The following KCNN3 variants were observed in gnomAD, a reference collection of about 807,000 sequenced individuals.
KCNN3 encodes the protein small conductance calcium-activated potassium channel protein 3.
KCNN3 carries 16 observed loss-of-function variants against 62.9 expected under a neutral mutation model. The observed-to-expected ratio is 0.25, with a 90% CI of 0.17 to 0.39. KCNN3 has a LOEUF of 0.39. Ranked by LOEUF, KCNN3 falls within the 10% of genes least tolerant of loss-of-function variation. The pLI, the probability that KCNN3 is intolerant of heterozygous loss-of-function variation, is 1.00. For missense variants in KCNN3, 599 were observed against 949.4 expected (o/e 0.63, Z 4.85); for synonymous variants, 370 against 389.2 (o/e 0.95, Z 0.58).
intron 2 of KCNN3, among the ~76,000 whole-genome samples, chr1:154,797,328 T>C (rs1649774684): frequency 6.6e-6 from 1 of 152,214 alleles, no homozygotes; most frequent in East Asian, 1.9e-4. Flanking sequence ...GAATTCTGAC[T>C]CCTCCACTGA....
chr1:154,814,529 G>A (rs1650577424), intron 2 of KCNN3, among the ~76,000 whole-genome samples: 1 of 152,218 alleles, frequency 6.6e-6, no homozygotes, highest in African/African-American at 2.4e-5. Context: ...GAAGGGGGAC[G>A]ATGGCCAGAG....
chr1:154,859,509 A>T (rs1558010863), intron 1 of KCNN3, among the ~76,000 whole-genome samples: 1 of 152,194 alleles, frequency 6.6e-6, no homozygotes, highest in East Asian at 1.9e-4. Context: ...TGAGGCACAG[A>T]GCTTAAGGAA....
intron 6 of KCNN3, 56 bp from the exon 7 acceptor site, chr1:154,713,589 C>T: frequency 1.4e-6 from 2 of 1,426,674 alleles, no homozygotes; most frequent in Non-Finnish European, 9.9e-7. Flanking sequence ...AGGTTTAGCC[C>T]CACCAGCAGA....
chr1:154,720,336 G>A (rs191895030), intron 5 of KCNN3, among the ~76,000 whole-genome samples: 4 of 152,318 alleles, frequency 2.6e-5, no homozygotes, highest in Admixed American at 2.6e-4. Context: ...AACCTTGTGC[G>A]TGATGTAATT....
At chr1:154,734,916 G>A (rs1053325295) in intron 3 of KCNN3, among the ~76,000 whole-genome samples, 2 of 152,330 alleles carry the variant, frequency 1.3e-5, no homozygotes, top group African/African-American at 2.4e-5. Flanking sequence ...AGGCAAAAGC[G>A]ACTGGCGTGT....
chr1:154,772,101 T>A lies in KCNN3; in HGVS notation c.1322A>T (p.Asn441Ile). The change falls in exon 3 of 8, where the codon AAC (asparagine) becomes ATC (isoleucine). Residue 441 changes from asparagine to isoleucine, a missense_variant. By Grantham distance (149) the Asn-to-Ile change is moderately radical. Coordinates refer to ENST00000271915, the MANE Select transcript of KCNN3 (RefSeq NM_002249.6). The surrounding 1 kb of genome is among the most constrained non-coding windows in gnomAD (Gnocchi z 5.6). Reference protein sequence around the residue: ...DASSRSIGALNKINFNTRFVM... With the variant: ...DASSRSIGALIKINFNTRFVM... ...AAAGCGGGTGTTGAAGTTGATCTTG[T>A]TGAGGGCCCCGATGCTGCGGGACGA... is the stretch of plus-strand genomic sequence containing the variant. 1 of 1,614,124 alleles carries A rather than the reference T, an allele frequency of 6.2e-7. No homozygotes were observed. The highest frequency in any genetic ancestry group is 8.5e-7 in the Non-Finnish European group (1 of 1,180,020).
In KCNN3 at chr1:154,706,061, T is replaced by C. The variant is rs61811430; in HGVS notation, c.*1915A>G. 0.18 allele frequency: 27,040 copies of C among 152,144 alleles called. 2,809 individuals carry two copies. The highest frequency in any genetic ancestry group is 0.28 in the Middle Eastern group (83 of 294). 9.4% of individuals were successfully genotyped at this position (152,144 alleles called of 1,614,324 possible). On this transcript the variant is annotated 3_prime_UTR_variant, in exon 8 of 8. Coordinates refer to ENST00000271915, the MANE Select transcript of KCNN3 (RefSeq NM_002249.6). ...AACAGCAGGTGCGGCATCTCTGGTA[T>C]GCAAAACAACTAATGAAAGTGTTCA...
intron 1 of KCNN3, among the ~76,000 whole-genome samples, chr1:154,832,491 C>G (rs1651413930): frequency 6.6e-6 from 1 of 152,014 alleles, no homozygotes; most frequent in Non-Finnish European, 1.5e-5. Flanking sequence ...TAGCGCCTCC[C>G]AGAACGCTGG....
At chr1:154,778,050 C>T (rs1648864609) in intron 2 of KCNN3, among the ~76,000 whole-genome samples, 1 of 152,208 alleles carries the variant, frequency 6.6e-6, no homozygotes, top group African/African-American at 2.4e-5. Flanking sequence ...GTGTCAGTAC[C>T]ACAGTCTCTG....
At chr1:154,769,955 G>C (rs557211710) in intron 3 of KCNN3, among the ~76,000 whole-genome samples, 11 of 152,314 alleles carry the variant, frequency 7.2e-5, no homozygotes, top group African/African-American at 2.2e-4. Context: ...AATAAATCCT[G>C]TGTCCAGCTT....
chr1:154,747,551 C>T (rs1170575833), intron 3 of KCNN3, among the ~76,000 whole-genome samples: 2 of 152,092 alleles, frequency 1.3e-5, no homozygotes, highest in Non-Finnish European at 2.9e-5. Context: ...ATATCACTCT[C>T]GCTATCTGGT....
At chr1:154,847,777 A>G (rs1652137692) in intron 1 of KCNN3, among the ~76,000 whole-genome samples, 1 of 152,124 alleles carries the variant, frequency 6.6e-6, no homozygotes, top group African/African-American at 2.4e-5. Flanking sequence ...AACAGAGGCC[A>G]TTTATTGAGC....
At chr1:154,838,779 T>A (rs759551010) in intron 1 of KCNN3, among the ~76,000 whole-genome samples, 2 of 152,232 alleles carry the variant, frequency 1.3e-5, no homozygotes, top group Non-Finnish European at 2.9e-5. Flanking sequence ...GTGAGCTCTT[T>A]GAGTGTGGGA....
Position 154,737,212 on chromosome 1 carries a change from G to T in KCNN3, c.1449-4068C>A, listed in dbSNP as rs879556824. The T allele has an allele frequency of 7.5e-5, 21 of 280,550 alleles. 2 individuals are homozygous for T. Among genetic ancestry groups the T allele is most frequent in the East Asian group, 2.9e-4 (3 of 10,432 alleles). The allele number at this position is 280,550 out of a possible 1,614,324, so 17.4% of individuals were successfully genotyped here. On this transcript the variant is annotated intron_variant, in intron 3 of 7. Coordinates refer to ENST00000271915, the MANE Select transcript of KCNN3 (RefSeq NM_002249.6). ...TTTTTTGCAATAGAAAATTTGGGGG[G>T]GGGGGATAGCTCCATGTTTTTCTTT...
intron 2 of KCNN3, among the ~76,000 whole-genome samples, chr1:154,790,606 A>G (rs1047856971): frequency 3.3e-5 from 5 of 152,226 alleles, no homozygotes; most frequent in Non-Finnish European, 5.9e-5. Context: ...CCGCTGCCCA[A>G]CATCACAAGA....
At chr1:154,746,372 G>T (rs1700935602) in intron 3 of KCNN3, among the ~76,000 whole-genome samples, 2 of 152,188 alleles carry the variant, frequency 1.3e-5, no homozygotes, top group African/African-American at 4.8e-5. Flanking sequence ...TCAGGAGAAG[G>T]CTGAGGTGAG....
chr1:154,831,496 C>T (rs1338396483), intron 1 of KCNN3, among the ~76,000 whole-genome samples: 4 of 152,162 alleles, frequency 2.6e-5, no homozygotes, highest in Admixed American at 1.3e-4. Context: ...ATCTAATGTG[C>T]GGGCCAGAAA....
At chr1:154,831,996 A>G (rs1202236100) in intron 1 of KCNN3, among the ~76,000 whole-genome samples, 2 of 151,994 alleles carry the variant, frequency 1.3e-5, no homozygotes, top group Non-Finnish European at 2.9e-5. Context: ...GCTTGGAGAA[A>G]ACTTTAGAAC....
At chr1:154,813,452 G>A (rs1172955825) in intron 2 of KCNN3, among the ~76,000 whole-genome samples, 1 of 152,100 alleles carries the variant, frequency 6.6e-6, no homozygotes, top group Non-Finnish European at 1.5e-5. Context: ...CCGCAGGGGA[G>A]GAGGCGTGGG....
Sources: allele counts gnomAD v4.1 joint callset (sites outside exome capture counted in the v4.1 genomes callset), GRCh38; gene constraint gnomAD v4.1.1; non-coding constraint Gnocchi (gnomAD v3.1); transcripts MANE v1.5; gene names NCBI Gene and HGNC (gene_info 2026-07-23, HGNC 2026-07-21).